SP100: variants seen among roughly 807,000 people sequenced by gnomAD.
SP100 encodes SP100 nuclear body protein, also known as nuclear autoantigen Sp-100.
Under a neutral mutation model 130.0 loss-of-function variants are expected in SP100, and 84 were observed. The observed-to-expected ratio is 0.65, with a 90% CI of 0.54 to 0.77. The LOEUF (loss-of-function observed/expected upper bound fraction) is 0.77. Ranked by LOEUF, SP100 falls within the 30% of genes least tolerant of loss-of-function variation. The pLI is 0.00. For synonymous variants in SP100, 331 were observed against 351.7 expected (o/e 0.94, Z 0.66); for missense variants, 978 against 1,052.2 (o/e 0.93, Z 0.97).
At chr2:230,533,285 C>G (rs2150110275) in intron 24 of SP100, among the ~76,000 whole-genome samples, 1 of 152,190 alleles carries the variant, frequency 6.6e-6, no homozygotes, top group African/African-American at 2.4e-5. Flanking sequence ...AAAATAGGAC[C>G]TATCCCATTT....
Position 230,540,903 on chromosome 2 carries a change from G to A in SP100, c.2238G>A (p.Arg746=). Residue 746 remains arginine, a synonymous_variant, in exon 26 of 29, where the codon AGG becomes AGA. Transcript: ENST00000340126. ...ACCCGTGGAGTTGCATCTTCTGCAG[G>A]ATAAAGACTATTCAGGAAAGATGCC... ...NKNPWSCIFC[R]IKTIQERCPE... The A allele has an allele frequency of 1.2e-6, 2 of 1,613,430 alleles. No individual in the cohort carries two copies. Among genetic ancestry groups the A allele is most frequent in the African/African-American group, 1.3e-5 (1 of 74,996 alleles).
chr2:230,532,050 G>A (rs1051961424), intron 24 of SP100, among the ~76,000 whole-genome samples: 1 of 151,924 alleles, frequency 6.6e-6, no homozygotes, highest in Non-Finnish European at 1.5e-5. Context: ...TAGTCATTTT[G>A]TTTCCTATGT....
intron 17 of SP100, among the ~76,000 whole-genome samples, chr2:230,475,594 A>T (rs954427706): frequency 1.3e-5 from 2 of 152,186 alleles, no homozygotes; most frequent in African/African-American, 2.4e-5. Flanking sequence ...TTGGAGACTT[A>T]GCCATAAATT....
chr2:230,501,187 A>G (rs564901302), intron 19 of SP100, among the ~76,000 whole-genome samples: 3 of 152,312 alleles, frequency 2.0e-5, no homozygotes, highest in African/African-American at 7.2e-5. Context: ...GGTTGCAGCC[A>G]GCCGAGATCC....
chr2:230,539,725 G>A (rs1692090734), intron 25 of SP100, among the ~76,000 whole-genome samples: 1 of 152,132 alleles, frequency 6.6e-6, no homozygotes, highest in South Asian at 2.1e-4. Context: ...CACCTGCTGT[G>A]GGACCATCAC....
chr2:230,498,238 G>C (rs1428707555), intron 18 of SP100, among the ~76,000 whole-genome samples: 1 of 152,108 alleles, frequency 6.6e-6, no homozygotes, highest in Non-Finnish European at 1.5e-5. Context: ...ATGTTGGGGG[G>C]AGGCAAATGA....
intron 24 of SP100, among the ~76,000 whole-genome samples, chr2:230,514,098 T>C (rs916775199): frequency 6.7e-6 from 1 of 150,340 alleles, no homozygotes; most frequent in Non-Finnish European, 1.5e-5. Context: ...AATGAACAAG[T>C]CATCAATTTA....
intron 17 of SP100, among the ~76,000 whole-genome samples, chr2:230,478,520 A>G (rs1368935061): frequency 2.6e-5 from 4 of 152,218 alleles, no homozygotes; most frequent in African/African-American, 9.6e-5. Flanking sequence ...GCAAGAGAGT[A>G]AGACTGATCT....
In SP100 at chr2:230,541,291, T is replaced by C; in HGVS notation, c.2332-10T>C. 1 of 1,612,438 alleles carries C rather than the reference T, an allele frequency of 6.2e-7. No homozygotes were observed. The highest frequency in any genetic ancestry group is 8.5e-7 in the Non-Finnish European group (1 of 1,178,912). On this transcript the variant is annotated splice_polypyrimidine_tract_variant and intron_variant, in intron 26 of 28. Transcript: ENST00000340126. ...TGCATTTAATTTGAAATGGCCTCCATCTTTTGCAGAAATGTGAATTCCTCC... is the reference window on the plus strand; with the variant it reads ...TGCATTTAATTTGAAATGGCCTCCACCTTTTGCAGAAATGTGAATTCCTCC...
intron 24 of SP100, among the ~76,000 whole-genome samples, chr2:230,532,434 C>T (rs1691742018): frequency 6.6e-6 from 1 of 151,670 alleles, no homozygotes; most frequent in Non-Finnish European, 1.5e-5. Context: ...AAATATTGGC[C>T]TATCCTTAAG....
intron 17 of SP100, among the ~76,000 whole-genome samples, chr2:230,482,586 T>C (rs1266309220): frequency 6.6e-6 from 1 of 152,132 alleles, no homozygotes; most frequent in African/African-American, 2.4e-5. Context: ...TTTTTTTTTT[T>C]TAGTGTGGCA....
At chr2:230,526,834 G>A (rs912523437) in intron 24 of SP100, among the ~76,000 whole-genome samples, 2 of 152,098 alleles carry the variant, frequency 1.3e-5, no homozygotes, top group African/African-American at 4.8e-5. Context: ...AGTGATTGAA[G>A]ATCAAATTAA....
intron 2 of SP100, among the ~76,000 whole-genome samples, chr2:230,423,401 T>A (rs1280159081): frequency 6.6e-6 from 1 of 152,174 alleles, no homozygotes; most frequent in Admixed American, 6.5e-5. Context: ...GTTTTCTTGA[T>A]CAATCTTTCC....
chr2:230,488,754 C>A (rs941742164), intron 17 of SP100, among the ~76,000 whole-genome samples: 2 of 152,130 alleles, frequency 1.3e-5, no homozygotes, highest in East Asian at 1.9e-4. Flanking sequence ...TTTTCAAAGA[C>A]CTTTTCTGCA....
intron 8 of SP100, among the ~76,000 whole-genome samples, chr2:230,458,362 C>A (rs1281214317): frequency 6.6e-6 from 1 of 151,996 alleles, no homozygotes; most frequent in African/African-American, 2.4e-5. Context: ...TCATAAAGAC[C>A]TTCATCCTCA....
At chr2:230,479,757 G>C (rs2150014095) in intron 17 of SP100, among the ~76,000 whole-genome samples, 1 of 152,342 alleles carries the variant, frequency 6.6e-6, no homozygotes, top group South Asian at 2.1e-4. Flanking sequence ...CCAAGCCCAT[G>C]CTCACAGTGA....
At position 230,494,409 on chromosome 2, in the gene SP100, T is replaced by C. The variant is rs1330985300; in HGVS notation, c.1601-7T>C. The C allele has an allele frequency of 6.3e-7, 1 of 1,585,712 alleles. No homozygotes were observed. The highest frequency in any genetic ancestry group is 1.1e-5 in the South Asian group (1 of 90,398). ...AAAGGATTATTTTCTTTCTTTTCTG[T>C]TTGCAGGAAAAAAGAGAAGGCATAG... On this transcript the variant is annotated splice_region_variant and splice_polypyrimidine_tract_variant and intron_variant, in intron 17 of 28. Transcript: ENST00000340126.
At chr2:230,517,072 G>A (rs1330398539) in intron 24 of SP100, among the ~76,000 whole-genome samples, 1 of 152,080 alleles carries the variant, frequency 6.6e-6, no homozygotes. Flanking sequence ...ACTGAAGGAA[G>A]ATCTAGTATT....
At chr2:230,464,504 G>A (rs1251346284) in intron 11 of SP100, among the ~76,000 whole-genome samples, 1 of 152,128 alleles carries the variant, frequency 6.6e-6, no homozygotes, top group East Asian at 1.9e-4. Flanking sequence ...ATATTTGATA[G>A]AGCATGATAA....
Sources: gnomAD v4.1 joint callset for allele counts (sites outside exome capture counted in the v4.1 genomes callset) on GRCh38, gnomAD v4.1.1 for gene constraint, MANE v1.5 for transcripts, NCBI Gene and HGNC (gene_info 2026-07-23, HGNC 2026-07-21) for gene names.